Variants in PATJ observed in about 807,000 individuals in gnomAD.
PATJ encodes the protein PATJ crumbs cell polarity complex component.
A neutral mutation model predicts 224.9 loss-of-function variants in PATJ; 190 were observed. The ratio of observed to expected loss-of-function variants is 0.84; its 90% CI spans 0.75 to 0.95. PATJ has a LOEUF of 0.95. Ranked by LOEUF, PATJ falls within the 40% of genes least tolerant of loss-of-function variation. The probability of loss-of-function intolerance (pLI) is 0.00; values close to 1 mark genes in which losing one functional copy is unlikely to be tolerated. For missense variants in PATJ, 2,121 were observed against 2,270.3 expected, an observed-to-expected ratio of 0.93 and a Z score of 1.34; for synonymous variants, 769 against 820.3, an observed-to-expected ratio of 0.94 and a Z score of 1.07.
intron 16 of PATJ, among the ~76,000 whole-genome samples, chr1:61,829,226 G>GT (rs1193941135): frequency 6.6e-6 from 1 of 152,180 alleles, no homozygotes. Flanking sequence ...ATTTCATAGT[G>GT]TTTTTAGTCT....
chr1:61,779,495 A>G (rs1239601069), intron 7 of PATJ, among the ~76,000 whole-genome samples: 3 of 152,224 alleles, frequency 2.0e-5, no homozygotes, highest in Non-Finnish European at 4.4e-5. Flanking sequence ...AACTGTTTGT[A>G]TATGCTAATC....
At chr1:61,806,838 T>C (rs1435876567) in intron 13 of PATJ, among the ~76,000 whole-genome samples, 1 of 152,124 alleles carries the variant, frequency 6.6e-6, no homozygotes, top group East Asian at 1.9e-4. Flanking sequence ...AGTTTTATGA[T>C]GGGCTCTTTT....
chr1:62,048,701 G>C (rs1653031647), intron 30 of PATJ, among the ~76,000 whole-genome samples: 1 of 152,074 alleles, frequency 6.6e-6, no homozygotes, highest in Non-Finnish European at 1.5e-5. Flanking sequence ...TTATAGGGTA[G>C]TATTTTTAAT....
chr1:61,760,440 A>G (rs1645900022), intron 1 of PATJ, among the ~76,000 whole-genome samples: 1 of 152,208 alleles, frequency 6.6e-6, no homozygotes, highest in African/African-American at 2.4e-5. Context: ...GTGTATCACT[A>G]GTAAAAATGA....
chr1:62,106,154 G>GTATATATATATATATA (rs1357638316), intron 33 of PATJ, among the ~76,000 whole-genome samples: 8 of 48,456 alleles, frequency 1.7e-4, no homozygotes, highest in African/African-American at 3.4e-4. Flanking sequence ...ATGTGTGTGT[G>GTATATATATATATATA]TGTGTATATA....
At chr1:62,071,082 A>G (rs972544918) in intron 31 of PATJ, among the ~76,000 whole-genome samples, 1 of 152,124 alleles carries the variant, frequency 6.6e-6, no homozygotes, top group African/African-American at 2.4e-5. Flanking sequence ...CAAAAAACAA[A>G]CAAACAAAAA....
At chr1:62,068,035 T>A (rs1656770756) in intron 31 of PATJ, among the ~76,000 whole-genome samples, 1 of 152,146 alleles carries the variant, frequency 6.6e-6, no homozygotes, top group Non-Finnish European at 1.5e-5. Context: ...ACTCAAGTGA[T>A]CCACCCACCT....
rs1557676120 is a variant in PATJ, at chr1:61,805,467, A to C, written c.1569A>C (p.Pro523=). The C allele has an allele frequency of 6.2e-7, 1 of 1,607,288 alleles. No individual in the cohort carries two copies. Among genetic ancestry groups the C allele is most frequent in the South Asian group, 1.1e-5 (1 of 90,918 alleles). ...LEKLEKVPDS[P]ENELKSRWEN... is the part of the protein sequence containing the mutation. ...ATCCAGAAAAAGTCCCAGACTCTCCAGAAAATGAGCTGAAATCCAGATGGG... is the reference window on the plus strand; with the variant it reads ...ATCCAGAAAAAGTCCCAGACTCTCCCGAAAATGAGCTGAAATCCAGATGGG... The change falls in exon 13 of 44, where the codon CCA becomes CCC. Residue 523 remains proline, a synonymous_variant. Transcript: ENST00000642238.
intron 33 of PATJ, among the ~76,000 whole-genome samples, chr1:62,088,133 C>A (rs773270993): frequency 6.6e-6 from 1 of 152,164 alleles, no homozygotes; most frequent in Non-Finnish European, 1.5e-5. Context: ...TCAGGTGATC[C>A]GCCTGCCTCA....
chr1:61,793,639 T>C (rs1650363210), intron 9 of PATJ, among the ~76,000 whole-genome samples: 1 of 144,666 alleles, frequency 6.9e-6, no homozygotes, highest in Admixed American at 7.3e-5. Context: ...TCGCTTGAAC[T>C]GGGGAGGCAG....
At chr1:62,160,813 A>G in intron 43 of PATJ, 95 bp from the exon 44 acceptor site, 1 of 1,307,238 alleles carries the variant, frequency 7.6e-7, no homozygotes, top group Non-Finnish European at 1.0e-6. Context: ...TTACTCTTTT[A>G]ATATGCACAC....
chr1:61,864,458 A>G lies in PATJ; in HGVS notation c.2660A>G (p.Glu887Gly). The change falls in exon 20 of 44, where the codon GAG (glutamate) becomes GGG (glycine). Residue 887 changes from glutamate (E) to glycine (G), a missense_variant. Transcript: ENST00000642238. The stretch of plus-strand genomic sequence containing the variant: ...TATCAAGATCCCTCACCATCCATGG[A>G]GTTGTATCCCTTGTCGCACATTCAA... ...ELYQDPSPSMELYPLSHIQEA... is the reference protein window; with the variant it reads ...ELYQDPSPSMGLYPLSHIQEA... 6.2e-7 allele frequency: 1 copy of G among 1,613,994 alleles called. No homozygotes were observed. Among genetic ancestry groups the G allele is most frequent in the South Asian group, 1.1e-5 (1 of 91,074 alleles).
Position 61,763,106 on chromosome 1 carries a change from A to G in PATJ, c.116A>G (p.Tyr39Cys), listed in dbSNP as rs140978187. 40 of 1,610,924 alleles carry G rather than the reference A, an allele frequency of 2.5e-5. No individual in the cohort carries two copies. The African/African-American group carries it at 2.7e-4, about 11-fold the overall frequency. ...CAGAATGAGAAGTTATCTATGTTTTATGAGACACTAAAGAGTCCTCTCTTC... is the reference window on the plus strand; with the variant it reads ...CAGAATGAGAAGTTATCTATGTTTTGTGAGACACTAAAGAGTCCTCTCTTC... ...TSQNEKLSMF[Y>C]ETLKSPLFNQ... Residue 39 changes from tyrosine (Y) to cysteine (C), a missense_variant, in exon 3 of 44, where the codon TAT becomes TGT. Physicochemically the swap from Tyr to Cys is radical, Grantham distance 194. Coordinates refer to ENST00000642238, the MANE Select transcript of PATJ (RefSeq NM_001350145.3).
intron 43 of PATJ, among the ~76,000 whole-genome samples, chr1:62,157,831 CA>C (rs1160300843): frequency 4.9e-4 from 29 of 59,784 alleles, no homozygotes; most frequent in Middle Eastern, 9.3e-3. Context: ...ACTCTGTCTC[CA>C]AAAAAAAAAA....
intron 27 of PATJ, among the ~76,000 whole-genome samples, chr1:61,933,764 G>C (rs985143586): frequency 3.3e-5 from 5 of 151,964 alleles, no homozygotes; most frequent in Admixed American, 3.3e-4. Flanking sequence ...CTTCTCCAAG[G>C]CTGACCTTTT....
intron 17 of PATJ, among the ~76,000 whole-genome samples, chr1:61,843,125 G>T (rs1452940337): frequency 6.6e-6 from 1 of 152,188 alleles, no homozygotes; most frequent in Non-Finnish European, 1.5e-5. Context: ...CATCTAGTCT[G>T]TGAATGATGC....
chr1:62,103,659 C>A (rs1432080659), intron 33 of PATJ, among the ~76,000 whole-genome samples: 1 of 150,680 alleles, frequency 6.6e-6, no homozygotes, highest in Non-Finnish European at 1.5e-5. Context: ...GAGAACAAGG[C>A]AGAAGAATCA....
At chr1:61,796,667 T>TTTCTTTCTTTCTTTCTTTCTTTC (rs1177162864) in intron 10 of PATJ, among the ~76,000 whole-genome samples, 488 of 31,034 alleles carry the variant, frequency 0.016, 19 homozygotes, top group African/African-American at 0.03. Flanking sequence ...ATTTTCTTTC[T>TTTCTTTCTTTCTTTCTTTCTTTC]TTCTTTCTTT....
At chr1:62,119,086 C>A (rs1472156659) in intron 37 of PATJ, among the ~76,000 whole-genome samples, 3 of 151,634 alleles carry the variant, frequency 2.0e-5, no homozygotes, top group Non-Finnish European at 4.4e-5. Flanking sequence ...GACAAAGTAT[C>A]AAATACTTTG....
Sources: gnomAD v4.1 joint callset for allele counts (sites outside exome capture counted in the v4.1 genomes callset) on GRCh38, gnomAD v4.1.1 for gene constraint, MANE v1.5 for transcripts, NCBI Gene and HGNC (gene_info 2026-07-23, HGNC 2026-07-21) for gene names.